Variants in FERMT2 observed in about 807,000 individuals in gnomAD.
The protein encoded by FERMT2 is fermitin family homolog 2.
In FERMT2, 15 loss-of-function variants were observed where a neutral mutation model predicts 82.7. The ratio of observed to expected loss-of-function variants is 0.18; its 90% CI spans 0.12 to 0.28. The LOEUF (loss-of-function observed/expected upper bound fraction) is 0.28, where lower values mean the gene tolerates loss of function less well. FERMT2 is among the 10% of genes least tolerant of loss of function. The probability of loss-of-function intolerance (pLI) is 1.00; values close to 1 mark genes in which losing one functional copy is unlikely to be tolerated. For synonymous variants in FERMT2, 274 were observed against 271.5 expected (o/e 1.01, Z -0.09); for missense variants, 645 against 809.4 (o/e 0.80, Z 2.46).
At chr14:52,875,042 G>T (rs1045516286) in intron 8 of FERMT2, among the ~76,000 whole-genome samples, 181 bp downstream of exon 8, 1 of 152,108 alleles carries the variant, frequency 6.6e-6, no homozygotes, top group Non-Finnish European at 1.5e-5. Context: ...GCAACAGAAC[G>T]AGACCCTGTC....
At chr14:52,883,496 GATCT>G (rs1006880871) in intron 4 of FERMT2, among the ~76,000 whole-genome samples, 1 of 152,158 alleles carries the variant, frequency 6.6e-6, no homozygotes, top group Non-Finnish European at 1.5e-5. Context: ...TTCTTTCAAA[GATCT>G]ATTAAATAAA....
At chr14:52,874,051 T>G in intron 9 of FERMT2, 126 bp downstream of exon 9, 1 of 503,872 alleles carries the variant, frequency 2.0e-6, no homozygotes. Flanking sequence ...GGTGTTCACC[T>G]AACTGGTAAA....
At chr14:52,923,021 T>C (rs1566752724) in intron 2 of FERMT2, among the ~76,000 whole-genome samples, 1 of 152,182 alleles carries the variant, frequency 6.6e-6, no homozygotes, top group Non-Finnish European at 1.5e-5. Context: ...CCTGTACATA[T>C]GTTACTGTAC....
chr14:52,860,113 G>T, intron 13 of FERMT2: 1 of 440,336 alleles, frequency 2.3e-6, no homozygotes, highest in Non-Finnish European at 4.0e-6. Flanking sequence ...CACCGTGCCT[G>T]GCCAAGAGTG....
At chr14:52,879,405 C>T (rs770475912) in intron 6 of FERMT2, among the ~76,000 whole-genome samples, 18 of 152,062 alleles carry the variant, frequency 1.2e-4, no homozygotes, top group Non-Finnish European at 2.4e-4. Flanking sequence ...TTGAGTGTCC[C>T]TAACATAAAA....
chr14:52,901,026 C>T (rs1405544158), intron 3 of FERMT2, among the ~76,000 whole-genome samples: 7 of 147,824 alleles, frequency 4.7e-5, no homozygotes, highest in African/African-American at 1.3e-4. Flanking sequence ...TTTGGGAGGC[C>T]GAGGCGGGCG....
chr14:52,948,488 C>CA (rs1213531264), intron 2 of FERMT2: 19 of 420,604 alleles, frequency 4.5e-5, no homozygotes, highest in African/African-American at 4.0e-4. Flanking sequence ...ATTTGGAATT[C>CA]AAAATATAAG....
At chr14:52,891,340 T>A (rs1056917507) in intron 4 of FERMT2, among the ~76,000 whole-genome samples, 12 of 152,180 alleles carry the variant, frequency 7.9e-5, no homozygotes, top group African/African-American at 2.9e-4. Context: ...TCTATAAAAG[T>A]CATTTAACAT....
At chr14:52,902,519 A>G (rs1327234085) in intron 3 of FERMT2, among the ~76,000 whole-genome samples, 1 of 152,094 alleles carries the variant, frequency 6.6e-6, no homozygotes, top group Non-Finnish European at 1.5e-5. Context: ...AAAGTCCACA[A>G]ATCTTAAATA....
intron 2 of FERMT2, among the ~76,000 whole-genome samples, chr14:52,927,765 T>C (rs540423288): frequency 7.1e-4 from 108 of 152,236 alleles, no homozygotes; most frequent in Non-Finnish European, 1.1e-3. Flanking sequence ...CTGGAGCCTA[T>C]GCCTTACCAC....
intron 13 of FERMT2, chr14:52,860,068 C>T (rs901724702): frequency 4.1e-5 from 13 of 320,260 alleles, no homozygotes; most frequent in South Asian, 1.7e-4. Context: ...CCACCCACCT[C>T]GGCCTCCCAC....
intron 2 of FERMT2, chr14:52,948,697 A>G (rs1395380900): frequency 2.4e-6 from 1 of 413,606 alleles, no homozygotes; most frequent in South Asian, 1.8e-5. Context: ...CTGTGATTCT[A>G]TAATAAACAG....
chr14:52,859,098 T>A (rs1884743818), intron 14 of FERMT2: 4 of 156,582 alleles, frequency 2.6e-5, no homozygotes, highest in African/African-American at 9.6e-5. Flanking sequence ...TGTGCCAGGT[T>A]TTTAAGCCTA....
At chr14:52,924,349 G>A (rs1490331522) in intron 2 of FERMT2, among the ~76,000 whole-genome samples, 1 of 152,172 alleles carries the variant, frequency 6.6e-6, no homozygotes, top group African/African-American at 2.4e-5. Flanking sequence ...AATCATCTGA[G>A]CAGCTTTTAA....
At chr14:52,939,033 C>T (rs1344942080) in intron 2 of FERMT2, among the ~76,000 whole-genome samples, 2 of 151,446 alleles carry the variant, frequency 1.3e-5, no homozygotes, top group Non-Finnish European at 2.9e-5. Flanking sequence ...AAAATCAATT[C>T]CTAATATGGT....
chr14:52,947,682 G>A (rs903631684), intron 2 of FERMT2, among the ~76,000 whole-genome samples: 1 of 152,156 alleles, frequency 6.6e-6, no homozygotes, highest in East Asian at 1.9e-4. Context: ...TAATTAAAAT[G>A]CCGCACTCTG....
At chr14:52,933,506 T>A (rs1243817172) in intron 2 of FERMT2, among the ~76,000 whole-genome samples, 1 of 150,364 alleles carries the variant, frequency 6.7e-6, no homozygotes, top group African/African-American at 2.4e-5. Flanking sequence ...AGGTCGGGAG[T>A]TCGAGACCAG....
At chr14:52,943,953 A>G (rs1020437393) in intron 2 of FERMT2, among the ~76,000 whole-genome samples, 2 of 152,238 alleles carry the variant, frequency 1.3e-5, no homozygotes, top group African/African-American at 2.4e-5. Flanking sequence ...ATCTCTATAA[A>G]TAAGTTAACT....
At chr14:52,901,842 G>A (rs145633940) in intron 3 of FERMT2, among the ~76,000 whole-genome samples, 5 of 152,226 alleles carry the variant, frequency 3.3e-5, no homozygotes, top group Non-Finnish European at 5.9e-5. Context: ...GGTGAGCCAC[G>A]TGTACACACC....
Sources: allele counts gnomAD v4.1 joint callset (sites outside exome capture counted in the v4.1 genomes callset), GRCh38; gene constraint gnomAD v4.1.1; transcripts MANE v1.5; gene names NCBI Gene and HGNC (gene_info 2026-07-23, HGNC 2026-07-21).